Variants in PSMG2 observed in about 807,000 individuals in gnomAD.
PSMG2 encodes the protein proteasome assembly chaperone 2, also known as CD40 ligand-activated specific transcript 3.
A neutral mutation model predicts 31.5 loss-of-function variants in PSMG2; 21 were observed. The ratio of observed to expected loss-of-function variants is 0.67; its 90% CI spans 0.47 to 0.96. PSMG2 has a LOEUF of 0.96. Among genes scored for constraint, PSMG2 ranks in the 40% least tolerant of loss-of-function variants. The pLI, the probability that PSMG2 is intolerant of heterozygous loss-of-function variation, is 0.00. For missense variants in PSMG2, 318 were observed against 321.2 expected (o/e 0.99, Z 0.08); for synonymous variants, 120 against 110.4 (o/e 1.09, Z -0.54).
intron 1 of PSMG2, chr18:12,673,272 A>G: frequency 6.7e-7 from 1 of 1,482,296 alleles, no homozygotes; most frequent in South Asian, 1.4e-5. Flanking sequence ...CCAGATTGTG[A>G]TTTTAAAATA....
At chr18:12,707,805 A>G (rs1395389836) in intron 2 of PSMG2, among the ~76,000 whole-genome samples, 2 of 152,214 alleles carry the variant, frequency 1.3e-5, no homozygotes, top group South Asian at 2.1e-4. Flanking sequence ...TTGAAAGACA[A>G]ATGAAGAAGC....
chr18:12,672,831 A>C, intron 1 of PSMG2: 1 of 984,984 alleles, frequency 1.0e-6, no homozygotes, highest in South Asian at 4.7e-5. Context: ...CCAACCATAA[A>C]TTTCTGGACA....
At chr18:12,678,495 C>A in intron 1 of PSMG2, 2 of 1,200,622 alleles carry the variant, frequency 1.7e-6, no homozygotes, top group Non-Finnish European at 1.2e-6. Flanking sequence ...AAAAAGGCAG[C>A]ATCTTACTGA....
intron 1 of PSMG2, chr18:12,695,245 A>T (rs747694927): frequency 2.7e-5 from 34 of 1,258,164 alleles, no homozygotes; most frequent in Middle Eastern, 2.0e-4. Flanking sequence ...GAAACTCATA[A>T]GTATTTACCT....
At chr18:12,697,154 G>A in intron 1 of PSMG2, 2 of 1,126,084 alleles carry the variant, frequency 1.8e-6, no homozygotes, top group East Asian at 2.5e-5. Flanking sequence ...GCATTTTAAA[G>A]ATATAAAATA....
At position 12,718,516 on chromosome 18, in the gene PSMG2, G is replaced by A; in HGVS notation, c.289-1G>A. 1.9e-6 allele frequency: 3 copies of A among 1,596,710 alleles called. No individual in the cohort carries two copies. In the South Asian group the frequency reaches 3.4e-5, roughly 18 times the overall value. ...TTTTATTCTCTCAATGGTGTGCAAA[G>A]TATAAATCAAAGCCATTCTGTGAAA... On this transcript the variant is annotated splice_acceptor_variant, in intron 3 of 6. Transcript: ENST00000317615. LOFTEE classifies it high-confidence loss of function.
intron 1 of PSMG2, chr18:12,697,158 T>C (rs1568031623): frequency 1.7e-6 from 2 of 1,168,868 alleles, no homozygotes; most frequent in South Asian, 1.6e-5. Context: ...TTTAAAGATA[T>C]AAAATATATT....
At chr18:12,711,624 C>T (rs749488162) in intron 2 of PSMG2, among the ~76,000 whole-genome samples, 7 of 152,148 alleles carry the variant, frequency 4.6e-5, no homozygotes, top group Non-Finnish European at 1.0e-4. Context: ...ACAGTAGAGA[C>T]CTGATCCACC....
At chr18:12,721,168 A>G (rs1272381489) in intron 5 of PSMG2, among the ~76,000 whole-genome samples, 2 of 152,112 alleles carry the variant, frequency 1.3e-5, no homozygotes, top group African/African-American at 4.8e-5. Flanking sequence ...AGACAGCAAG[A>G]CTCCGTCTCA....
At position 12,703,253 on chromosome 18, in the gene PSMG2, G is replaced by A. The variant is rs548148281; in HGVS notation, c.57+89G>A. The stretch of plus-strand genomic sequence containing the variant: ...CGCGGGGTGTTTGGCGGTGCCTTGG[G>A]AGAAATAGGGCACTAGTTTCTATTT... On this transcript the variant is annotated intron_variant, in intron 1 of 6. Transcript: ENST00000317615. 9.3e-4 allele frequency: 1,251 copies of A among 1,349,452 alleles called. 2 individuals are homozygous for A. The highest frequency in any genetic ancestry group is 1.2e-3 in the Non-Finnish European group (1,172 of 987,342). The allele number at this position is 1,349,452 out of a possible 1,614,324, so 83.6% of individuals were successfully genotyped here. A position where few individuals can be genotyped will look rare whatever the true frequency, so the allele number is the denominator to read the frequency against.
chr18:12,707,046 C>T (rs1308797086), intron 2 of PSMG2, among the ~76,000 whole-genome samples: 1 of 152,194 alleles, frequency 6.6e-6, no homozygotes, highest in Non-Finnish European at 1.5e-5. Flanking sequence ...AGCTCCGCCT[C>T]CCGGGTTCAC....
chr18:12,661,631 C>G (rs1364535148), intron 1 of PSMG2, among the ~76,000 whole-genome samples: 1 of 151,066 alleles, frequency 6.6e-6, no homozygotes, highest in Non-Finnish European at 1.5e-5. Context: ...GAAAATTAGC[C>G]AGGCATGGTG....
intron 1 of PSMG2, chr18:12,695,441 G>T: frequency 5.9e-6 from 3 of 508,016 alleles, no homozygotes; most frequent in Non-Finnish European, 3.5e-6. Flanking sequence ...TAGGCACTTG[G>T]GTGTTTTATC....
chr18:12,715,654 C>T (rs745708070), intron 3 of PSMG2, among the ~76,000 whole-genome samples: 12 of 152,046 alleles, frequency 7.9e-5, no homozygotes, highest in East Asian at 1.9e-4. Context: ...TACAGGTGCC[C>T]GCCACCACGC....
intron 1 of PSMG2, among the ~76,000 whole-genome samples, chr18:12,677,493 A>G (rs1199716127): frequency 6.8e-6 from 1 of 146,608 alleles, no homozygotes; most frequent in Non-Finnish European, 1.5e-5. Context: ...AAGAGGTTTG[A>G]TCTCAAAAGT....
upstream of PSMG2, chr18:12,699,960 G>T: frequency 8.3e-7 from 1 of 1,206,352 alleles, no homozygotes; most frequent in South Asian, 1.5e-5. Flanking sequence ...TATAGGTTAA[G>T]GAAATGTCAA....
chr18:12,658,917 C>T (rs749372356), intron 1 of PSMG2: 1 of 259,156 alleles, frequency 3.9e-6, no homozygotes, highest in Admixed American at 5.0e-5. Flanking sequence ...TAACATTGGT[C>T]CCTTCCCTCA....
upstream of PSMG2, chr18:12,700,892 ATAAG>A: frequency 3.0e-6 from 4 of 1,338,780 alleles, no homozygotes; most frequent in Non-Finnish European, 4.1e-6. Context: ...TCGGAACCTT[ATAAG>A]TAGTGTTACG....
chr18:12,691,834 G>T (rs1014809523), intron 1 of PSMG2, among the ~76,000 whole-genome samples: 37 of 151,790 alleles, frequency 2.4e-4, no homozygotes, highest in African/African-American at 8.9e-4. Context: ...TCCTGCCTCA[G>T]CCTCCTGAGT....
Sources: gnomAD v4.1 joint callset for allele counts (sites outside exome capture counted in the v4.1 genomes callset) on GRCh38, gnomAD v4.1.1 for gene constraint, MANE v1.5 for transcripts, NCBI Gene and HGNC (gene_info 2026-07-23, HGNC 2026-07-21) for gene names.